Variants in SLC4A5 observed in about 807,000 individuals in gnomAD.
SLC4A5 encodes the protein electrogenic sodium bicarbonate cotransporter 4.
A neutral mutation model predicts 120.4 loss-of-function variants in SLC4A5; 96 were observed. The observed-to-expected ratio is 0.80, with a 90% CI of 0.68 to 0.94. SLC4A5 has a LOEUF of 0.94. Among genes scored for constraint, SLC4A5 ranks in the 40% least tolerant of loss-of-function variants. The probability of loss-of-function intolerance (pLI) is 0.00; values close to 1 mark genes in which losing one functional copy is unlikely to be tolerated. For synonymous variants in SLC4A5, 550 were observed against 571.1 expected, an observed-to-expected ratio of 0.96 and a Z score of 0.53; for missense variants, 1,259 against 1,459.5, an observed-to-expected ratio of 0.86 and a Z score of 2.24.
At chr2:74,252,379 C>T (rs1670821488) in exon 16 of SLC4A5, 2 of 1,612,590 alleles carry the variant, frequency 1.2e-6, no homozygotes, top group Non-Finnish European at 1.7e-6. Flanking sequence ...CTAGGGAGAA[C>T]ACAGATTTCC....
intron 25 of SLC4A5, among the ~76,000 whole-genome samples, chr2:74,230,779 G>C (rs1670050730): frequency 6.6e-6 from 1 of 152,142 alleles, no homozygotes; most frequent in African/African-American, 2.4e-5. Flanking sequence ...CTTTGGCCTA[G>C]TAAGACTGTG....
At chr2:74,224,217 T>A (rs1253307284) in intron 28 of SLC4A5, among the ~76,000 whole-genome samples, 1 of 152,200 alleles carries the variant, frequency 6.6e-6, no homozygotes, top group Non-Finnish European at 1.5e-5. Context: ...CCTTGTCTGT[T>A]GACTCCCTGA....
intron 22 of SLC4A5, 43 bp downstream of exon 22, chr2:74,235,058 A>C (rs1670226063): frequency 1.4e-6 from 2 of 1,451,344 alleles, no homozygotes; most frequent in Admixed American, 3.4e-5. Context: ...TGCAGCTGGT[A>C]GGCAGGCAGA....
intron 25 of SLC4A5, 51 bp from the exon 26 acceptor site, chr2:74,227,929 G>A (rs745415173): frequency 1.4e-6 from 2 of 1,450,714 alleles, no homozygotes; most frequent in Admixed American, 4.7e-5. Flanking sequence ...GCGGCCCTTG[G>A]CCACCCTGTT....
intron 6 of SLC4A5, among the ~76,000 whole-genome samples, chr2:74,312,431 T>C (rs929023776): frequency 9.9e-5 from 15 of 152,048 alleles, no homozygotes; most frequent in African/African-American, 3.6e-4. Flanking sequence ...GGTTTCACCA[T>C]GTTGGCCAGG....
chr2:74,332,709 G>C (rs1357707439), intron 4 of SLC4A5, among the ~76,000 whole-genome samples: 1 of 151,958 alleles, frequency 6.6e-6, no homozygotes, highest in Non-Finnish European at 1.5e-5. Flanking sequence ...CCATTTGTGT[G>C]TGTGTGTGTG....
chr2:74,300,329 G>C (rs1304590504), intron 7 of SLC4A5, among the ~76,000 whole-genome samples: 1 of 152,178 alleles, frequency 6.6e-6, no homozygotes, highest in Non-Finnish European at 1.5e-5. Context: ...GAGATCTTAA[G>C]TGTTCTTACC....
intron 7 of SLC4A5, among the ~76,000 whole-genome samples, chr2:74,303,324 C>T (rs1335977030): frequency 6.6e-6 from 1 of 152,110 alleles, no homozygotes; most frequent in Non-Finnish European, 1.5e-5. Context: ...AGAGCAGGTG[C>T]ATCAGGTCTC....
At chr2:74,285,520 T>A (rs1671954434) in intron 8 of SLC4A5, among the ~76,000 whole-genome samples, 1 of 152,228 alleles carries the variant, frequency 6.6e-6, no homozygotes, top group Non-Finnish European at 1.5e-5. Context: ...GTATATGCCC[T>A]TGTATTACTC....
intron 5 of SLC4A5, among the ~76,000 whole-genome samples, chr2:74,317,902 T>C (rs182102723): frequency 2.0e-5 from 3 of 152,278 alleles, no homozygotes; most frequent in Admixed American, 2.0e-4. Flanking sequence ...GCAGCTCCAC[T>C]TCAAAACATG....
chr2:74,252,090 G>T, intron 16 of SLC4A5, 89 bp downstream of exon 16: 1 of 1,424,058 alleles, frequency 7.0e-7, no homozygotes, highest in Non-Finnish European at 9.7e-7. Flanking sequence ...GGGCACTACA[G>T]ACCATGGTTG....
intron 6 of SLC4A5, among the ~76,000 whole-genome samples, chr2:74,305,997 T>A (rs1672632233): frequency 6.6e-6 from 1 of 152,168 alleles, no homozygotes; most frequent in South Asian, 2.1e-4. Context: ...GTGCCGGTAT[T>A]ATAGGCGTGA....
exon 11 of SLC4A5, chr2:74,262,193 A>G (rs1053131679): frequency 1.2e-6 from 2 of 1,613,836 alleles, no homozygotes; most frequent in African/African-American, 1.3e-5. Flanking sequence ...GGAGTGGTGT[A>G]GACTCGGGCC....
At chr2:74,285,923 G>T (rs754766952) in intron 7 of SLC4A5, 21 bp from the exon 8 acceptor site, 1 of 1,569,086 alleles carries the variant, frequency 6.4e-7, no homozygotes, top group South Asian at 1.2e-5. Context: ...GGGGCAGCAG[G>T]TCTGCTGAGT....
At chr2:74,310,866 G>A (rs922696046) in intron 6 of SLC4A5, among the ~76,000 whole-genome samples, 1 of 151,450 alleles carries the variant, frequency 6.6e-6, no homozygotes, top group African/African-American at 2.4e-5. Context: ...AGAGATTGTA[G>A]ACAACTGATA....
intron 2 of SLC4A5, among the ~76,000 whole-genome samples, chr2:74,341,392 T>C (rs1255671208): frequency 6.6e-6 from 1 of 152,190 alleles, no homozygotes; most frequent in Non-Finnish European, 1.5e-5. Context: ...ATAAGTCATG[T>C]TTGTTCAATG....
chr2:74,232,051 G>C (rs556177716), intron 24 of SLC4A5, among the ~76,000 whole-genome samples: 1 of 152,296 alleles, frequency 6.6e-6, no homozygotes, highest in South Asian at 2.1e-4. Context: ...GGGAGCGGGG[G>C]TGATCCCAGG....
intron 7 of SLC4A5, among the ~76,000 whole-genome samples, chr2:74,303,030 G>C (rs1241481539): frequency 2.0e-5 from 3 of 151,544 alleles, no homozygotes; most frequent in Non-Finnish European, 2.9e-5. Flanking sequence ...GTGTGTGTGT[G>C]TGTGTGTGTG....
chr2:74,317,712 C>T (rs545742391), intron 5 of SLC4A5, among the ~76,000 whole-genome samples: 19 of 152,362 alleles, frequency 1.2e-4, no homozygotes, highest in African/African-American at 4.6e-4. Flanking sequence ...AGCCCCTCAG[C>T]CCTTTGCCTG....
Sources: allele counts gnomAD v4.1 joint callset (sites outside exome capture counted in the v4.1 genomes callset), GRCh38; gene constraint gnomAD v4.1.1; transcripts MANE v1.5; gene names NCBI Gene and HGNC (gene_info 2026-07-23, HGNC 2026-07-21).